The following ETV1 variants were observed in gnomAD, a reference collection of about 807,000 sequenced individuals.
The protein encoded by ETV1 is ETS translocation variant 1.
A neutral mutation model predicts 62.3 loss-of-function variants in ETV1; 27 were observed. The ratio of observed to expected loss-of-function variants is 0.43; its 90% CI spans 0.32 to 0.60. The LOEUF (loss-of-function observed/expected upper bound fraction) is 0.60, where lower values mean the gene tolerates loss of function less well. Ranked by LOEUF, ETV1 falls within the 20% of genes least tolerant of loss-of-function variation. ETV1 has a pLI of 0.06. For missense variants in ETV1, 605 were observed against 605.8 expected (o/e 1.00, Z 0.01); for synonymous variants, 222 against 199.6 (o/e 1.11, Z -0.94).
At chr7:13,964,071 C>T (rs547116890) in intron 6 of ETV1, among the ~76,000 whole-genome samples, 1 of 152,136 alleles carries the variant, frequency 6.6e-6, no homozygotes, top group African/African-American at 2.4e-5. Context: ...TCCCTACAGA[C>T]CCGTGAGTTG....
chr7:13,896,768 G>GAAAGAA (rs1554288483), intron 13 of ETV1, among the ~76,000 whole-genome samples: 3 of 149,354 alleles, frequency 2.0e-5, no homozygotes, highest in African/African-American at 7.4e-5. Flanking sequence ...AAGAAAGAAA[G>GAAAGAA]AAAGAAAGAA....
intron 6 of ETV1, among the ~76,000 whole-genome samples, chr7:13,950,651 G>A (rs113136414): frequency 2.0e-4 from 31 of 152,166 alleles, no homozygotes; most frequent in African/African-American, 6.5e-4. Context: ...CATCTTAATA[G>A]AAGAGAATGG....
intron 9 of ETV1, among the ~76,000 whole-genome samples, chr7:13,924,353 T>A (rs1785180399): frequency 6.6e-6 from 1 of 152,188 alleles, no homozygotes; most frequent in African/African-American, 2.4e-5. Flanking sequence ...TTTTTCAGTC[T>A]TTTTCAAAAG....
rs543606486 is a variant in ETV1, at chr7:13,912,612, TATATGGA to T, written c.803-1312_803-1306del. 4.6e-5 allele frequency among the ~76,000 whole-genome samples: 7 copies of T among 152,286 alleles called. No homozygotes were observed. In the East Asian group the frequency reaches 9.7e-4, roughly 21 times the overall value. On this transcript the variant is annotated intron_variant, in intron 9 of 13. Transcript: ENST00000430479. The stretch of plus-strand genomic sequence containing the variant: ...AAAGCAATGGATGGCAATTTAGAAA[TATATGGA>T]ATACGACTGTGTTTTTGCCAATTGC...
intron 11 of ETV1, among the ~76,000 whole-genome samples, chr7:13,908,505 A>G (rs551839526): frequency 6.6e-6 from 1 of 152,150 alleles, no homozygotes; most frequent in Admixed American, 6.6e-5. Context: ...TAATGTTGCT[A>G]AATAGTACGG....
chr7:13,987,915 CTCCCATG>C (rs1562725751), intron 4 of ETV1, among the ~76,000 whole-genome samples, 164 bp downstream of exon 4: 1 of 152,126 alleles, frequency 6.6e-6, no homozygotes, highest in Non-Finnish European at 1.5e-5. Context: ...ATAAAATAGT[CTCCCATG>C]CAAACTGCCG....
At chr7:13,965,986 T>C (rs1187248782) in intron 6 of ETV1, among the ~76,000 whole-genome samples, 10 of 152,174 alleles carry the variant, frequency 6.6e-5, no homozygotes, top group Non-Finnish European at 1.5e-4. Flanking sequence ...AAACCGGGCA[T>C]GAACCATCCT....
intron 5 of ETV1, chr7:13,986,143 G>A (rs1423665524): frequency 3.1e-6 from 5 of 1,593,152 alleles, no homozygotes; most frequent in Non-Finnish European, 4.3e-6. Flanking sequence ...GAACAAGGTG[G>A]AAAGAAGACA....
At chr7:13,922,623 G>A (rs1395151076) in intron 9 of ETV1, among the ~76,000 whole-genome samples, 2 of 152,128 alleles carry the variant, frequency 1.3e-5, no homozygotes, top group African/African-American at 2.4e-5. Context: ...CACACACATA[G>A]AATGTTCAAG....
At chr7:13,984,009 T>G (rs753874319) in intron 5 of ETV1, among the ~76,000 whole-genome samples, 18 of 151,782 alleles carry the variant, frequency 1.2e-4, no homozygotes, top group Non-Finnish European at 2.4e-4. Flanking sequence ...TTATGAATAG[T>G]CTTACAGAAA....
chr7:13,975,053 A>T (rs538282993), intron 6 of ETV1: 1 of 152,402 alleles, frequency 6.6e-6, no homozygotes, highest in South Asian at 2.1e-4. Flanking sequence ...TGTGCTGACC[A>T]ATACAGTAGC....
chr7:13,954,618 T>C (rs2128475496), intron 6 of ETV1, among the ~76,000 whole-genome samples: 1 of 152,348 alleles, frequency 6.6e-6, no homozygotes, highest in East Asian at 1.9e-4. Context: ...TGATACATCA[T>C]TTCACATACT....
chr7:13,977,520 A>C, intron 5 of ETV1, 40 bp from the exon 6 acceptor site: 1 of 1,354,300 alleles, frequency 7.4e-7, no homozygotes, highest in Non-Finnish European at 1.0e-6. Flanking sequence ...TTAAGAGAGA[A>C]ACTGCCAAAA....
chr7:13,989,103 A>T lies in ETV1; in HGVS notation c.-51T>A, dbSNP rs201056372. 68 of 1,503,442 alleles carry T rather than the reference A, an allele frequency of 4.5e-5. No individual in the cohort carries two copies. The highest frequency in any genetic ancestry group is 6.1e-5 in the Non-Finnish European group (67 of 1,097,594). The allele number at this position is 1,503,442 out of a possible 1,614,324, so 93.1% of individuals were successfully genotyped here. The stretch of plus-strand genomic sequence containing the variant: ...TCAGTATTTTATATTTTGAGCATTT[A>T]GCTGGAGATTTCCTCAGGATCTGGA... On this transcript the variant is annotated 5_prime_UTR_variant, in exon 3 of 14. Coordinates refer to ENST00000430479, the MANE Select transcript of ETV1 (RefSeq NM_004956.5).
intron 4 of ETV1, 186 bp from the exon 5 acceptor site, chr7:13,986,871 T>C: frequency 1.9e-6 from 1 of 538,284 alleles, no homozygotes; most frequent in Non-Finnish European, 3.3e-6. Context: ...TCATGCCTAT[T>C]AAGCAACTCT....
At chr7:13,988,698 G>A (rs376973340) in intron 3 of ETV1, 174 of 1,612,144 alleles carry the variant, frequency 1.1e-4, no homozygotes, top group Non-Finnish European at 1.3e-4. Flanking sequence ...TTTCAATGTG[G>A]CAGACAAACC....
rs113457637 is a variant in ETV1 at position 13,945,744 on chromosome 7, G to A, written c.236-6498C>T. 1.3e-3 allele frequency among the ~76,000 whole-genome samples: 196 copies of A among 152,302 alleles called. 1 individual carries two copies. The highest frequency in any genetic ancestry group is 4.4e-3 in the African/African-American group (183 of 41,564). ...GTTGGGTATTTCATCACAGGGCTGA[G>A]AATCTGAGTCTGCTAACAGGCGGTT... On this transcript the variant is annotated intron_variant, in intron 6 of 13. Coordinates refer to ENST00000430479, the MANE Select transcript of ETV1 (RefSeq NM_004956.5).
rs530800704 is a variant in ETV1, at chr7:13,894,154, A to ATT, written c.*1710_*1711dup. The ATT allele has an allele frequency of 1.5e-3, 320 of 217,592 alleles. No individual in the cohort carries two copies. The highest frequency in any genetic ancestry group is 5.3e-3 in the African/African-American group (226 of 42,406). The allele number at this position is 217,592 out of a possible 1,614,324, so 13.5% of individuals were successfully genotyped here. A position where few individuals can be genotyped will look rare whatever the true frequency, so the allele number is the denominator to read the frequency against. On this transcript the variant is annotated 3_prime_UTR_variant, in exon 14 of 14. Coordinates refer to ENST00000430479, the MANE Select transcript of ETV1 (RefSeq NM_004956.5). ...GGTTTATTTTGACTTTGTGTTTAGAATTTTTTTTTTTTTTTGCTTTTTGCT... is the reference window on the plus strand; with the variant it reads ...GGTTTATTTTGACTTTGTGTTTAGAATTTTTTTTTTTTTTTTTGCTTTTTGCT...
At chr7:13,941,801 CAG>C (rs1220455614) in intron 6 of ETV1, among the ~76,000 whole-genome samples, 6 of 151,758 alleles carry the variant, frequency 4.0e-5, no homozygotes, top group Non-Finnish European at 8.8e-5. Context: ...ACCCGCGAAG[CAG>C]AGTTTGCCGA....
Sources: allele counts gnomAD v4.1 joint callset (sites outside exome capture counted in the v4.1 genomes callset), GRCh38; gene constraint gnomAD v4.1.1; transcripts MANE v1.5; gene names NCBI Gene and HGNC (gene_info 2026-07-23, HGNC 2026-07-21).